UGT1A7: variants seen among roughly 807,000 people sequenced by gnomAD.
The protein encoded by UGT1A7 is UDP glucuronosyltransferase family 1 member A7, also known as UDP-glucuronosyltransferase 1A7.
Under a neutral mutation model 45.6 loss-of-function variants are expected in UGT1A7, and 33 were observed. That is an observed-to-expected ratio of 0.72 (90% CI 0.55 to 0.97). The LOEUF (loss-of-function observed/expected upper bound fraction) is 0.97, where lower values mean the gene tolerates loss of function less well. Among genes scored for constraint, UGT1A7 ranks in the 50% least tolerant of loss-of-function variants. The pLI is 0.00. For synonymous variants in UGT1A7, 274 were observed against 250.6 expected, an observed-to-expected ratio of 1.09 and a Z score of -0.88; for missense variants, 684 against 666.2, an observed-to-expected ratio of 1.03 and a Z score of -0.29.
chr2:233,710,441 T>C (rs568926544), intron 1 of UGT1A7, among the ~76,000 whole-genome samples: 1 of 152,376 alleles, frequency 6.6e-6, no homozygotes, highest in African/African-American at 2.4e-5. Flanking sequence ...TTTTAGTCTT[T>C]TACATTTTAG....
At position 233,729,598 on chromosome 2, in the gene UGT1A7, G is replaced by A. The variant is rs775320084; in HGVS notation, c.856-37436G>A. The A allele has an allele frequency of 6.8e-5, 109 of 1,613,866 alleles. No homozygotes were observed. Among genetic ancestry groups the A allele is most frequent in the East Asian group, 3.1e-4 (14 of 44,894 alleles). ...TTTAACAGACCCCGTTAACCTCTGC[G>A]CGGCAGTGCTGGCTAAGTACCTGTC... On this transcript the variant is annotated intron_variant, in intron 1 of 4. Transcript: ENST00000373426.
intron 1 of UGT1A7, chr2:233,761,175 A>G (rs1340390077): frequency 1.2e-6 from 2 of 1,614,094 alleles, no homozygotes; most frequent in African/African-American, 2.7e-5. Flanking sequence ...TGGGACTTTT[A>G]CATGCGTATA....
At chr2:233,720,819 C>T (rs2076894500) in intron 1 of UGT1A7, among the ~76,000 whole-genome samples, 2 of 151,784 alleles carry the variant, frequency 1.3e-5, no homozygotes, top group African/African-American at 4.8e-5. Flanking sequence ...AATTCTCCCA[C>T]CTCAGTCTCC....
chr2:233,724,146 G>A (rs2077176632), intron 1 of UGT1A7, among the ~76,000 whole-genome samples: 1 of 124,370 alleles, frequency 8.0e-6, no homozygotes, highest in Non-Finnish European at 1.7e-5. Flanking sequence ...CGGGGCGGCT[G>A]GCCGGGTGGG....
chr2:233,693,830 G>A (rs930455403), intron 1 of UGT1A7: 1 of 1,614,166 alleles, frequency 6.2e-7, no homozygotes, highest in South Asian at 1.1e-5. Flanking sequence ...CTTCATTGGA[G>A]GTATCAACTG....
intron 1 of UGT1A7, among the ~76,000 whole-genome samples, chr2:233,709,615 G>T (rs2076084906): frequency 6.6e-6 from 1 of 152,104 alleles, no homozygotes; most frequent in Admixed American, 6.5e-5. Context: ...ATTAAATATA[G>T]GTGTTTTGCT....
At chr2:233,707,017 G>A (rs2075935738) in intron 1 of UGT1A7, among the ~76,000 whole-genome samples, 1 of 152,116 alleles carries the variant, frequency 6.6e-6, no homozygotes, top group African/African-American at 2.4e-5. Flanking sequence ...AGGATCCATG[G>A]TCAGCCAGCC....
In UGT1A7 at chr2:233,681,911, C is replaced by A; in HGVS notation, c.-27C>A. 5 of 1,599,730 alleles carry A rather than the reference C, an allele frequency of 3.1e-6. No homozygotes were observed. Among genetic ancestry groups the A allele is most frequent in the Non-Finnish European group, 4.3e-6 (5 of 1,172,978 alleles). ...ATATTATAGGAGCTTAGAATCCCAGCTGCTGGCTCTGGGCTGAAGTTCTCT... is the reference window on the plus strand; with the variant it reads ...ATATTATAGGAGCTTAGAATCCCAGATGCTGGCTCTGGGCTGAAGTTCTCT... On this transcript the variant is annotated 5_prime_UTR_variant, in exon 1 of 5. It adds an upstream start codon to the 5' untranslated region. Transcript: ENST00000373426.
At chr2:233,711,742 C>A (rs1575496526) in intron 1 of UGT1A7, among the ~76,000 whole-genome samples, 1 of 152,196 alleles carries the variant, frequency 6.6e-6, no homozygotes. Context: ...GCAGACACGG[C>A]CAGGCATGTA....
At chr2:233,691,299 TC>T in intron 1 of UGT1A7, 1 of 985,512 alleles carries the variant, frequency 1.0e-6, no homozygotes, top group South Asian at 4.7e-5. Context: ...AAGCTGCCAA[TC>T]CTCTTGGGAG....
At chr2:233,727,806 G>A (rs543849298) in intron 1 of UGT1A7, among the ~76,000 whole-genome samples, 1 of 152,288 alleles carries the variant, frequency 6.6e-6, no homozygotes, top group East Asian at 1.9e-4. Flanking sequence ...TGTCCCATGG[G>A]TTCTGTCCAA....
chr2:233,688,665 G>C (rs1236438770), intron 1 of UGT1A7, among the ~76,000 whole-genome samples: 1 of 152,120 alleles, frequency 6.6e-6, no homozygotes, highest in Non-Finnish European at 1.5e-5. Flanking sequence ...CATGCAGCTG[G>C]CTCTTTTTTA....
chr2:233,739,615 T>G (rs1449918072), intron 1 of UGT1A7, among the ~76,000 whole-genome samples: 1 of 152,228 alleles, frequency 6.6e-6, no homozygotes, highest in Non-Finnish European at 1.5e-5. Context: ...TTGGCCAGTT[T>G]CTCCCATTTG....
intron 4 of UGT1A7, among the ~76,000 whole-genome samples, chr2:233,768,799 G>A (rs1295681406): frequency 1.3e-5 from 2 of 151,984 alleles, no homozygotes; most frequent in East Asian, 3.9e-4. Flanking sequence ...TGTCAGGCTG[G>A]TCTTGAACTC....
chr2:233,743,650 G>A (rs556129739), intron 1 of UGT1A7: 20 of 1,367,276 alleles, frequency 1.5e-5, no homozygotes, highest in Admixed American at 1.9e-5. Context: ...AGCTGAAGAC[G>A]TACTCGAAGG....
rs1357806418 is a variant in UGT1A7 at position 233,725,294 on chromosome 2, A to G, written c.856-41740A>G. ...CAGAGGCAGAGGCAGAGGCAGAGGC[A>G]GAGGCAGAGGCAGAGGCAGAGGCGC... On this transcript the variant is annotated intron_variant, in intron 1 of 4. Coordinates refer to ENST00000373426, the MANE Select transcript of UGT1A7 (RefSeq NM_019077.3). 6.7e-5 allele frequency among the ~76,000 whole-genome samples: 7 copies of G among 104,870 alleles called. 1 individual carries two copies. The highest frequency in any genetic ancestry group is 6.5e-4 in the South Asian group (2 of 3,086). The allele number at this position is 104,870 out of a possible 152,430, so 68.8% of individuals were successfully genotyped here. A position where few individuals can be genotyped will look rare whatever the true frequency, so the allele number is the denominator to read the frequency against.
intron 1 of UGT1A7, chr2:233,721,746 A>C: frequency 2.3e-6 from 1 of 444,024 alleles, no homozygotes. Context: ...TGATGAGAGA[A>C]TCTACATCTA....
chr2:233,751,225 C>T (rs1015976096), intron 1 of UGT1A7, among the ~76,000 whole-genome samples: 6 of 151,960 alleles, frequency 3.9e-5, no homozygotes, highest in Admixed American at 3.9e-4. Flanking sequence ...TTAATGACTG[C>T]CCTGCCTGGT....
intron 1 of UGT1A7, chr2:233,729,861 G>A (rs760591415): frequency 6.8e-6 from 11 of 1,613,756 alleles, no homozygotes; most frequent in Non-Finnish European, 8.5e-7. Flanking sequence ...AGGTGTCAGT[G>A]GTGGATATTC....
Sources: gnomAD v4.1 joint callset for allele counts (sites outside exome capture counted in the v4.1 genomes callset) on GRCh38, gnomAD v4.1.1 for gene constraint, MANE v1.5 for transcripts, NCBI Gene and HGNC (gene_info 2026-07-23, HGNC 2026-07-21) for gene names.